The following RBFOX1 variants were observed in gnomAD, a reference collection of about 807,000 sequenced individuals.
RBFOX1 encodes RNA binding protein fox-1 homolog 1.
In RBFOX1, 8 loss-of-function variants were observed where a neutral mutation model predicts 57.7. That is an observed-to-expected ratio of 0.14 (90% confidence interval 0.08 to 0.25). The LOEUF (loss-of-function observed/expected upper bound fraction) is 0.25, where lower values mean the gene tolerates loss of function less well. Among genes scored for constraint, RBFOX1 ranks in the 10% least tolerant of loss-of-function variants. The pLI is 1.00. For missense variants in RBFOX1, 611 were observed against 548.5 expected (o/e 1.11, Z -1.14); for synonymous variants, 326 against 222.4 (o/e 1.47, Z -4.15).
intron 3 of RBFOX1, among the ~76,000 whole-genome samples, chr16:6,700,198 A>G (rs1252009313): frequency 1.3e-5 from 2 of 152,162 alleles, no homozygotes; most frequent in Non-Finnish European, 2.9e-5. Flanking sequence ...TTTTTCACCC[A>G]GAGAGGAACG....
chr16:5,788,154 T>C lies in RBFOX1; in HGVS notation c.319-79149T>C, dbSNP rs540036872. ...ATACCTGGAGAGTGACATCTGGCCA[T>C]GCTGGAGGTTGCTCCCAGGACTGCA... On this transcript the variant is annotated intron_variant, in intron 3 of 19. Coordinates refer to the RBFOX1 transcript ENST00000641259. Among the ~76,000 whole-genome samples the C allele has an allele frequency of 2.0e-5, 3 of 152,334 alleles. No homozygotes were observed. In the South Asian group the frequency reaches 6.2e-4, roughly 32 times the overall value.
At chr16:6,047,389 T>C (rs1000778357) in intron 1 of RBFOX1, among the ~76,000 whole-genome samples, 4 of 152,190 alleles carry the variant, frequency 2.6e-5, no homozygotes, top group Non-Finnish European at 4.4e-5. Flanking sequence ...GTGGTTGTTC[T>C]TGGTAGAGGA....
At chr16:5,681,887 T>C (rs995500330) in intron 3 of RBFOX1, among the ~76,000 whole-genome samples, 2 of 151,846 alleles carry the variant, frequency 1.3e-5, no homozygotes, top group Non-Finnish European at 2.9e-5. Flanking sequence ...TGAATATGAG[T>C]GGTCTGAGAT....
At chr16:7,458,531 T>TA (rs1191105407) in intron 4 of RBFOX1, among the ~76,000 whole-genome samples, 4 of 152,226 alleles carry the variant, frequency 2.6e-5, no homozygotes, top group Non-Finnish European at 1.5e-5. Flanking sequence ...TTGTCATTGT[T>TA]AAAGGAAAAA....
At chr16:7,107,569 G>C (rs544391626) in intron 4 of RBFOX1, among the ~76,000 whole-genome samples, 1 of 152,152 alleles carries the variant, frequency 6.6e-6, no homozygotes, top group East Asian at 1.9e-4. Flanking sequence ...CTGTAATCAA[G>C]GTAGTGAACA....
chr16:7,014,773 G>A (rs1192120254), intron 3 of RBFOX1, among the ~76,000 whole-genome samples: 1 of 152,098 alleles, frequency 6.6e-6, no homozygotes, highest in Non-Finnish European at 1.5e-5. Flanking sequence ...CACCCAGGCT[G>A]GAGTGCAGTG....
intron 3 of RBFOX1, among the ~76,000 whole-genome samples, chr16:6,892,522 T>G (rs1011880734): frequency 6.6e-6 from 1 of 151,952 alleles, no homozygotes; most frequent in African/African-American, 2.4e-5. Flanking sequence ...ATACAAAAAT[T>G]AGCTGCGCAT....
chr16:7,639,382 C>A (rs960422778), intron 11 of RBFOX1, among the ~76,000 whole-genome samples: 1 of 152,176 alleles, frequency 6.6e-6, no homozygotes, highest in African/African-American at 2.4e-5. Flanking sequence ...TGGCAGCCTA[C>A]CTGTGTCCTC....
chr16:5,462,974 A>G (rs1030295668), intron 1 of RBFOX1, among the ~76,000 whole-genome samples: 1 of 152,250 alleles, frequency 6.6e-6, no homozygotes, highest in Non-Finnish European at 1.5e-5. Flanking sequence ...TTCATACTAA[A>G]TTGATACATT....
intron 1 of RBFOX1, among the ~76,000 whole-genome samples, chr16:5,364,660 C>G (rs2065656346): frequency 6.6e-6 from 1 of 152,096 alleles, no homozygotes; most frequent in African/African-American, 2.4e-5. Flanking sequence ...AGCACTTGTG[C>G]TCTACACGCA....
intron 4 of RBFOX1, among the ~76,000 whole-genome samples, chr16:7,126,806 C>G (rs1316335408): frequency 6.6e-6 from 1 of 151,778 alleles, no homozygotes; most frequent in Non-Finnish European, 1.5e-5. Flanking sequence ...CAAAGATTTT[C>G]TTTTAGCCTG....
intron 2 of RBFOX1, among the ~76,000 whole-genome samples, chr16:6,496,207 T>C (rs2095763888): frequency 6.6e-6 from 1 of 152,222 alleles, no homozygotes; most frequent in Non-Finnish European, 1.5e-5. Flanking sequence ...CACTTTTTTT[T>C]TCTATTGTCC....
chr16:6,592,184 G>A (rs57788088), intron 2 of RBFOX1, among the ~76,000 whole-genome samples: 9,024 of 152,192 alleles, frequency 0.059, 873 homozygotes, highest in African/African-American at 0.2. Context: ...TAACGTCTCT[G>A]CAATATTTCA....
At chr16:6,062,949 C>T (rs1232941601) in intron 1 of RBFOX1, among the ~76,000 whole-genome samples, 1 of 152,106 alleles carries the variant, frequency 6.6e-6, no homozygotes, top group South Asian at 2.1e-4. Context: ...AGGCACAATT[C>T]CTTCTCCAGA....
intron 3 of RBFOX1, among the ~76,000 whole-genome samples, chr16:6,951,704 G>C (rs970229945): frequency 2.6e-5 from 4 of 152,022 alleles, no homozygotes; most frequent in African/African-American, 9.7e-5. Context: ...TGTCCACCCA[G>C]ATTCAAGGAG....
chr16:5,377,854 T>G (rs926974138), intron 1 of RBFOX1, among the ~76,000 whole-genome samples: 1 of 151,672 alleles, frequency 6.6e-6, no homozygotes, highest in Admixed American at 6.5e-5. Flanking sequence ...AACACAAGTT[T>G]AAAACACAAT....
intron 1 of RBFOX1, among the ~76,000 whole-genome samples, chr16:6,291,964 TG>T (rs2077513855): frequency 1.3e-5 from 2 of 152,134 alleles, no homozygotes; most frequent in African/African-American, 4.8e-5. Context: ...TGTGTGTGTG[TG>T]TGTGTGTACA....
chr16:7,437,460 A>C (rs950495914), intron 4 of RBFOX1, among the ~76,000 whole-genome samples: 17 of 152,128 alleles, frequency 1.1e-4, no homozygotes, highest in African/African-American at 4.1e-4. Flanking sequence ...CGCGTTATTA[A>C]TGTTAAAAAT....
chr16:6,662,741 C>G (rs2098709307), intron 3 of RBFOX1, among the ~76,000 whole-genome samples: 1 of 152,178 alleles, frequency 6.6e-6, no homozygotes, highest in East Asian at 1.9e-4. Flanking sequence ...ACAGGCAATT[C>G]TGGCATCTGG....
Sources: allele counts gnomAD v4.1 joint callset (sites outside exome capture counted in the v4.1 genomes callset), GRCh38; gene constraint gnomAD v4.1.1; transcripts MANE v1.5; gene names NCBI Gene and HGNC (gene_info 2026-07-23, HGNC 2026-07-21).